RBFOX1: variants seen among roughly 807,000 people sequenced by gnomAD.
RBFOX1 encodes the protein RNA binding protein fox-1 homolog 1.
In RBFOX1, 8 loss-of-function variants were observed where a neutral mutation model predicts 57.7. That is an observed-to-expected ratio of 0.14 (90% CI 0.08 to 0.25). The LOEUF is 0.25. RBFOX1 is among the 10% of genes least tolerant of loss of function. The pLI, the probability that RBFOX1 is intolerant of heterozygous loss-of-function variation, is 1.00. For synonymous variants in RBFOX1, 326 were observed against 222.4 expected, an observed-to-expected ratio of 1.47 and a Z score of -4.15; for missense variants, 611 against 548.5, an observed-to-expected ratio of 1.11 and a Z score of -1.14.
chr16:5,404,084 G>A (rs1468318126), intron 1 of RBFOX1, among the ~76,000 whole-genome samples: 1 of 149,290 alleles, frequency 6.7e-6, no homozygotes, highest in Admixed American at 6.7e-5. Context: ...GGGGCGGGGT[G>A]GGGGTGGGCA....
At chr16:7,068,412 A>C (rs1357513064) in intron 4 of RBFOX1, among the ~76,000 whole-genome samples, 2 of 152,142 alleles carry the variant, frequency 1.3e-5, no homozygotes, top group Admixed American at 6.5e-5. Context: ...CTACCATCCA[A>C]GGTAGCCCAG....
intron 3 of RBFOX1, among the ~76,000 whole-genome samples, chr16:5,824,405 C>T (rs1024941002): frequency 6.6e-6 from 1 of 152,086 alleles, no homozygotes; most frequent in South Asian, 2.1e-4. Flanking sequence ...AGACAGTGTC[C>T]CAGTATCCAG....
intron 4 of RBFOX1, among the ~76,000 whole-genome samples, chr16:7,489,446 G>A (rs1363946546): frequency 2.0e-5 from 3 of 152,038 alleles, no homozygotes; most frequent in Non-Finnish European, 2.9e-5. Flanking sequence ...GTCTTATGTT[G>A]TAGCTTCTTT....
At chr16:7,143,335 G>A (rs894288901) in intron 4 of RBFOX1, among the ~76,000 whole-genome samples, 4 of 152,056 alleles carry the variant, frequency 2.6e-5, no homozygotes, top group African/African-American at 9.7e-5. Flanking sequence ...AGCTCTCAGG[G>A]AGAGGACTGA....
intron 4 of RBFOX1, among the ~76,000 whole-genome samples, chr16:7,158,347 A>G (rs2077568354): frequency 6.6e-6 from 1 of 152,278 alleles, no homozygotes; most frequent in Admixed American, 6.5e-5. Flanking sequence ...CTCTGTCTCA[A>G]AAGAAAAAGA....
chr16:5,706,829 G>C (rs1347444409), intron 3 of RBFOX1, among the ~76,000 whole-genome samples: 1 of 152,048 alleles, frequency 6.6e-6, no homozygotes, highest in East Asian at 1.9e-4. Context: ...ACTGGGGCAG[G>C]GGGCAAGAGG....
At chr16:6,441,731 C>T (rs988322668) in intron 2 of RBFOX1, among the ~76,000 whole-genome samples, 1 of 152,076 alleles carries the variant, frequency 6.6e-6, no homozygotes, top group African/African-American at 2.4e-5. Context: ...TTCATTTTCT[C>T]TTATTTCTGA....
chr16:6,190,470 T>G (rs2097134578), intron 1 of RBFOX1, among the ~76,000 whole-genome samples: 1 of 152,218 alleles, frequency 6.6e-6, no homozygotes, highest in Non-Finnish European at 1.5e-5. Context: ...CTACTTAGTT[T>G]TCTAATCCTG....
chr16:5,906,067 G>A (rs1459392730), intron 4 of RBFOX1, among the ~76,000 whole-genome samples: 1 of 152,092 alleles, frequency 6.6e-6, no homozygotes, highest in African/African-American at 2.4e-5. Flanking sequence ...CGCTGCCCAT[G>A]TGCCCTGCTT....
chr16:7,054,212 TCG>T (rs1568561736), intron 4 of RBFOX1, among the ~76,000 whole-genome samples: 1 of 17,512 alleles, frequency 5.7e-5, no homozygotes, highest in East Asian at 1.7e-3. Flanking sequence ...ATTTTTTTTT[TCG>T]GGGGGGGGGG....
At chr16:7,290,715 C>T (rs529387346) in intron 4 of RBFOX1, among the ~76,000 whole-genome samples, 1 of 152,330 alleles carries the variant, frequency 6.6e-6, no homozygotes, top group East Asian at 1.9e-4. Flanking sequence ...ATACCGTTCT[C>T]ATGGGACATG....
intron 4 of RBFOX1, among the ~76,000 whole-genome samples, chr16:7,504,787 TTATA>T (rs1230576283): frequency 1.3e-3 from 12 of 9,362 alleles, no homozygotes; most frequent in Non-Finnish European, 2.2e-3. Context: ...ATATATATAT[TTATA>T]TATATATATA....
intron 4 of RBFOX1, among the ~76,000 whole-genome samples, chr16:7,152,956 G>A (rs1359941148): frequency 6.6e-6 from 1 of 152,178 alleles, no homozygotes; most frequent in Non-Finnish European, 1.5e-5. Flanking sequence ...CCAAGGAGTG[G>A]CCATTGCTGG....
chr16:6,224,696 G>A (rs1414654966), intron 1 of RBFOX1, among the ~76,000 whole-genome samples: 1 of 152,136 alleles, frequency 6.6e-6, no homozygotes, highest in Non-Finnish European at 1.5e-5. Context: ...GATGACAGAA[G>A]CAACAATCAG....
chr16:5,593,155 G>A (rs1025717550), intron 2 of RBFOX1, among the ~76,000 whole-genome samples: 1 of 152,196 alleles, frequency 6.6e-6, no homozygotes, highest in African/African-American at 2.4e-5. Flanking sequence ...GGGATACTGT[G>A]CAGCCATAAA....
intron 3 of RBFOX1, among the ~76,000 whole-genome samples, chr16:6,681,217 C>T (rs1000468755): frequency 6.6e-6 from 1 of 152,082 alleles, no homozygotes; most frequent in Non-Finnish European, 1.5e-5. Flanking sequence ...GAGGTTGAGG[C>T]AGGAGCATCA....
chr16:7,294,353 G>T (rs912630484), intron 4 of RBFOX1, among the ~76,000 whole-genome samples: 5 of 152,166 alleles, frequency 3.3e-5, no homozygotes, highest in African/African-American at 1.2e-4. Flanking sequence ...GTTTCAGGAA[G>T]GCTGCTATAG....
At chr16:7,569,077 T>A (rs1317727329) in intron 5 of RBFOX1, among the ~76,000 whole-genome samples, 7 of 151,964 alleles carry the variant, frequency 4.6e-5, no homozygotes, top group Non-Finnish European at 1.0e-4. Context: ...CATTATCCGT[T>A]ATCGCTTTTT....
chr16:6,839,974 A>G (rs1295159641), intron 3 of RBFOX1, among the ~76,000 whole-genome samples: 1 of 152,210 alleles, frequency 6.6e-6, no homozygotes, highest in African/African-American at 2.4e-5. Context: ...TCTTTTTAAA[A>G]TAACGAAATA....
Sources: gnomAD v4.1 joint callset for allele counts (sites outside exome capture counted in the v4.1 genomes callset) on GRCh38, gnomAD v4.1.1 for gene constraint, MANE v1.5 for transcripts, NCBI Gene and HGNC (gene_info 2026-07-23, HGNC 2026-07-21) for gene names.